The following CALCRL variants were observed in gnomAD, a reference collection of about 807,000 sequenced individuals.
CALCRL encodes calcitonin receptor like receptor.
Under a neutral mutation model 60.4 loss-of-function variants are expected in CALCRL, and 27 were observed. The ratio of observed to expected loss-of-function variants is 0.45; its 90% CI spans 0.33 to 0.62. The LOEUF is 0.62. CALCRL is among the 20% of genes least tolerant of loss of function. The pLI, the probability that CALCRL is intolerant of heterozygous loss-of-function variation, is 0.03. For missense variants in CALCRL, 424 were observed against 540.7 expected (o/e 0.78, Z 2.14); for synonymous variants, 190 against 182.6 (o/e 1.04, Z -0.33).
At position 187,352,247 on chromosome 2, in the gene CALCRL, A is replaced by G; in HGVS notation, c.995T>C (p.Met332Thr). Reference sequence around the variant, plus strand: ...GATAAGAGTAGCTCTCACAGCTTTCATGTACAGATTGGATTCCGCTTGGTG... The same window carrying G: ...GATAAGAGTAGCTCTCACAGCTTTCGTGTACAGATTGGATTCCGCTTGGTG... Reference protein sequence around the residue: ...VTHQAESNLYMKAVRATLILV... With the variant: ...VTHQAESNLYTKAVRATLILV... The change falls in exon 13 of 15, where the codon ATG becomes ACG. Residue 332 changes from methionine (M) to threonine (T), a missense_variant. Physicochemically the swap from Met to Thr is moderately conservative, Grantham distance 81. Around this residue, in one of 7 missense-constraint regions of CALCRL, gnomAD observed 222 missense variants for 265.6 expected, o/e 0.84. Transcript: ENST00000392370. The G allele has an allele frequency of 6.2e-7, 1 of 1,612,306 alleles. No homozygotes were observed. Among genetic ancestry groups the G allele is most frequent in the Non-Finnish European group, 8.5e-7 (1 of 1,178,812 alleles).
chr2:187,396,631 T>G (rs1224474541), intron 1 of CALCRL, among the ~76,000 whole-genome samples: 1 of 151,788 alleles, frequency 6.6e-6, no homozygotes, highest in Non-Finnish European at 1.5e-5. Context: ...TTATTACATT[T>G]AAGCCATTAA....
chr2:187,369,189 C>T (rs1044512510), intron 8 of CALCRL, among the ~76,000 whole-genome samples: 2 of 152,082 alleles, frequency 1.3e-5, no homozygotes, highest in Non-Finnish European at 2.9e-5. Context: ...TAGCCATGTC[C>T]ATTTTGTATG....
intron 1 of CALCRL, among the ~76,000 whole-genome samples, chr2:187,397,298 TTTTTTATTCTGTCA>T (rs1486831086): frequency 4.6e-5 from 7 of 151,612 alleles, no homozygotes; most frequent in Non-Finnish European, 8.9e-5. Context: ...AATGTGGTTG[TTTTTTATTCTGTCA>T]TTTAAGTAGT....
In CALCRL at chr2:187,378,943, A is replaced by G; in HGVS notation, c.497T>C (p.Phe166Ser). 6.3e-7 allele frequency: 1 copy of G among 1,581,722 alleles called. No homozygotes were observed. The highest frequency in any genetic ancestry group is 2.2e-5 in the East Asian group (1 of 44,584). Residue 166 changes from phenylalanine (F) to serine (S), a missense_variant, in exon 8 of 15, where the codon TTC becomes TCC. Around this residue, in one of 7 missense-constraint regions of CALCRL, gnomAD observed 43 missense variants for 46.6 expected, o/e 0.92. Transcript: ENST00000392370. ...LLISLGIFFY[F>S]KSLSCQRITL... ...AAAATATTTTAAATTTACTTACTTG[A>G]AATAAAAGAATATGCCAAGCGAGAT...
In CALCRL at chr2:187,343,617, G is replaced by T. The variant is rs573603218; in HGVS notation, c.*2567C>A. The T allele has an allele frequency of 6.6e-6, 1 of 151,766 alleles. No homozygotes were observed. Among genetic ancestry groups the T allele is most frequent in the South Asian group, 2.1e-4 (1 of 4,828 alleles). 9.4% of individuals were successfully genotyped at this position (151,766 alleles called of 1,614,324 possible). A position where few individuals can be genotyped will look rare whatever the true frequency, so the allele number is the denominator to read the frequency against. ...CTTTAGGAAATAAAATGACAAATTA[G>T]AATTTAGAAAATTAAAATATGACTT... On this transcript the variant is annotated 3_prime_UTR_variant, in exon 15 of 15. Coordinates refer to ENST00000392370, the MANE Select transcript of CALCRL (RefSeq NM_005795.6).
Position 187,387,742 on chromosome 2 carries a change from T to G in CALCRL, c.-278A>C, listed in dbSNP as rs1364012286. 2 of 396,914 alleles carry G rather than the reference T, an allele frequency of 5.0e-6. No homozygotes were observed. The highest frequency in any genetic ancestry group is 8.9e-6 in the Non-Finnish European group (2 of 225,092). The allele number at this position is 396,914 out of a possible 1,614,324, so 24.6% of individuals were successfully genotyped here. On this transcript the variant is annotated 5_prime_UTR_variant, in exon 2 of 15. Transcript: ENST00000392370. ...ACATTGTCTTTAAGAATTTCTTAAATTCAGGGGTCAAGACCTGAAATATTG... is the reference window on the plus strand; with the variant it reads ...ACATTGTCTTTAAGAATTTCTTAAAGTCAGGGGTCAAGACCTGAAATATTG...
intron 1 of CALCRL, among the ~76,000 whole-genome samples, chr2:187,406,659 C>T (rs1689142938): frequency 6.6e-6 from 1 of 151,594 alleles, no homozygotes; most frequent in Non-Finnish European, 1.5e-5. Flanking sequence ...GGTTGGTACT[C>T]AAAATAAAGA....
intron 1 of CALCRL, among the ~76,000 whole-genome samples, chr2:187,440,762 A>C (rs1690868511): frequency 6.6e-6 from 1 of 152,116 alleles, no homozygotes; most frequent in Non-Finnish European, 1.5e-5. Context: ...TTGGTTCATT[A>C]AATATAAACA....
At chr2:187,432,679 A>C (rs1045249059) in intron 1 of CALCRL, among the ~76,000 whole-genome samples, 2 of 152,254 alleles carry the variant, frequency 1.3e-5, no homozygotes, top group Non-Finnish European at 2.9e-5. Context: ...CACATTTTAT[A>C]ATTAGAATCA....
chr2:187,359,923 T>C (rs571410474), intron 10 of CALCRL, among the ~76,000 whole-genome samples: 1 of 151,124 alleles, frequency 6.6e-6, no homozygotes, highest in African/African-American at 2.5e-5. Context: ...AGATAGATGA[T>C]AGAGATATAG....
chr2:187,386,424 T>C (rs1688207802), intron 3 of CALCRL, among the ~76,000 whole-genome samples: 1 of 152,240 alleles, frequency 6.6e-6, no homozygotes, highest in East Asian at 1.9e-4. Context: ...TCTTCACTAC[T>C]GAAAATCAAT....
chr2:187,346,417 A>G lies in CALCRL; in HGVS notation c.1171-18T>C. ...GCTTGAACCTATCAATCAAAAGGAAAACAGAAAGAACAAGAACAACCCATT... is the reference window on the plus strand; with the variant it reads ...GCTTGAACCTATCAATCAAAAGGAAGACAGAAAGAACAAGAACAACCCATT... On this transcript the variant is annotated intron_variant, in intron 14 of 14. Coordinates refer to ENST00000392370, the MANE Select transcript of CALCRL (RefSeq NM_005795.6). 6.4e-7 allele frequency: 1 copy of G among 1,551,254 alleles called. No individual in the cohort carries two copies. Among genetic ancestry groups the G allele is most frequent in the Non-Finnish European group, 8.9e-7 (1 of 1,129,244 alleles).
intron 1 of CALCRL, among the ~76,000 whole-genome samples, chr2:187,419,519 T>A (rs2105869383): frequency 6.6e-6 from 1 of 152,316 alleles, no homozygotes; most frequent in Non-Finnish European, 1.5e-5. Flanking sequence ...ATGGCTTTCA[T>A]TATGGCAGCC....
At chr2:187,384,288 A>G (rs1010586929) in intron 4 of CALCRL, among the ~76,000 whole-genome samples, 7 of 152,224 alleles carry the variant, frequency 4.6e-5, no homozygotes, top group African/African-American at 7.2e-5. Flanking sequence ...TAATACATGG[A>G]AATGTAGAAC....
chr2:187,357,825 A>G (rs200388338), intron 12 of CALCRL, among the ~76,000 whole-genome samples: 4,910 of 43,622 alleles, frequency 0.11, 219 homozygotes, highest in African/African-American at 0.29. Context: ...ACAATGAAAG[A>G]AAAAAAAAGA....
chr2:187,407,709 C>G (rs1475622314), intron 1 of CALCRL, among the ~76,000 whole-genome samples: 1 of 151,992 alleles, frequency 6.6e-6, no homozygotes, highest in East Asian at 1.9e-4. Context: ...GATAAATATA[C>G]AAAGCATTGA....
At chr2:187,363,631 G>A in intron 8 of CALCRL, 129 bp from the exon 9 acceptor site, 2 of 951,346 alleles carry the variant, frequency 2.1e-6, no homozygotes, top group Non-Finnish European at 2.9e-6. Flanking sequence ...TTCTCCCTAA[G>A]ATCCACTCAT....
At chr2:187,386,699 C>CTT (rs1688217720) in intron 3 of CALCRL, among the ~76,000 whole-genome samples, 1 of 26,314 alleles carries the variant, frequency 3.8e-5, no homozygotes, top group African/African-American at 1.7e-4. Context: ...AGGATGTAGC[C>CTT]ATAACTAAAT....
chr2:187,348,570 A>G (rs1686388392), intron 14 of CALCRL, among the ~76,000 whole-genome samples: 1 of 151,674 alleles, frequency 6.6e-6, no homozygotes, highest in Admixed American at 6.6e-5. Flanking sequence ...ATTGAAATAT[A>G]TGACTGTTTG....
Sources: gnomAD v4.1 joint callset for allele counts (sites outside exome capture counted in the v4.1 genomes callset) on GRCh38, gnomAD v4.1.1 for gene constraint, gnomAD v4.1.1 regional missense constraint, MANE v1.5 for transcripts, NCBI Gene and HGNC (gene_info 2026-07-23, HGNC 2026-07-21) for gene names.